Variants in FUT9 observed in about 807,000 individuals in gnomAD.
The protein encoded by FUT9 is 4-galactosyl-N-acetylglucosaminide 3-alpha-L-fucosyltransferase 9.
FUT9 carries 15 observed loss-of-function variants against 29.7 expected under a neutral mutation model. That is an observed-to-expected ratio of 0.51 (90% CI 0.34 to 0.78). The LOEUF is 0.78. Ranked by LOEUF, FUT9 falls within the 30% of genes least tolerant of loss-of-function variation. The pLI, the probability that FUT9 is intolerant of heterozygous loss-of-function variation, is 0.01. For missense variants in FUT9, 319 were observed against 425.4 expected (o/e 0.75, Z 2.20); for synonymous variants, 169 against 153.7 (o/e 1.10, Z -0.74).
At chr6:96,166,404 A>ATT (rs910153295) in intron 2 of FUT9, among the ~76,000 whole-genome samples, 1 of 152,186 alleles carries the variant, frequency 6.6e-6, no homozygotes, top group Non-Finnish European at 1.5e-5. Flanking sequence ...ATAATGTTAT[A>ATT]TATAACTGTA....
At chr6:96,199,493 A>C (rs1773690398) in intron 2 of FUT9, among the ~76,000 whole-genome samples, 1 of 152,170 alleles carries the variant, frequency 6.6e-6, no homozygotes, top group Admixed American at 6.6e-5. Flanking sequence ...AAAACTGGAA[A>C]CCACACAGTA....
chr6:96,135,725 T>C (rs375822909), intron 2 of FUT9, among the ~76,000 whole-genome samples: 7 of 151,842 alleles, frequency 4.6e-5, no homozygotes, highest in African/African-American at 1.2e-4. Flanking sequence ...TTCTAAATAT[T>C]TGGTGTACAA....
chr6:96,143,234 G>GATGA (rs1772499063), intron 2 of FUT9, among the ~76,000 whole-genome samples: 1 of 152,190 alleles, frequency 6.6e-6, no homozygotes, highest in South Asian at 2.1e-4. Flanking sequence ...TCTGCCATGT[G>GATGA]ATGACACAGT....
intron 2 of FUT9, among the ~76,000 whole-genome samples, chr6:96,129,118 A>T (rs1232148688): frequency 7.3e-5 from 10 of 137,370 alleles, no homozygotes; most frequent in African/African-American, 1.8e-4. Flanking sequence ...AAAAAAAAAT[A>T]GCTGGGCGTG....
chr6:96,105,466 A>G (rs1164574437), intron 1 of FUT9, among the ~76,000 whole-genome samples: 2 of 152,206 alleles, frequency 1.3e-5, no homozygotes, highest in East Asian at 3.8e-4. Flanking sequence ...TCTAAATTCA[A>G]TTGCCATAGC....
At chr6:96,097,641 A>G (rs1291947226) in intron 1 of FUT9, among the ~76,000 whole-genome samples, 2 of 152,108 alleles carry the variant, frequency 1.3e-5, no homozygotes, top group Non-Finnish European at 2.9e-5. Context: ...AACAATAACA[A>G]ATAAAATCTT....
At chr6:96,041,921 T>G (rs1019134921) in intron 1 of FUT9, among the ~76,000 whole-genome samples, 1 of 152,256 alleles carries the variant, frequency 6.6e-6, no homozygotes, top group Non-Finnish European at 1.5e-5. Flanking sequence ...TAGTAAGTTA[T>G]GTAGTCAGCA....
At chr6:96,032,728 G>T (rs547863508) in intron 1 of FUT9, among the ~76,000 whole-genome samples, 5 of 151,612 alleles carry the variant, frequency 3.3e-5, no homozygotes, top group African/African-American at 1.2e-4. Context: ...TCTTAACCAG[G>T]TTATGTAAAC....
At chr6:96,097,142 AAT>A (rs572453861) in intron 1 of FUT9, among the ~76,000 whole-genome samples, 77 of 152,362 alleles carry the variant, frequency 5.1e-4, no homozygotes, top group Non-Finnish European at 7.3e-4. Context: ...ATACTGAAGG[AAT>A]ATGTAATTCA....
At chr6:96,021,673 A>T (rs1770072047) in intron 1 of FUT9, among the ~76,000 whole-genome samples, 1 of 152,088 alleles carries the variant, frequency 6.6e-6, no homozygotes, top group Non-Finnish European at 1.5e-5. Context: ...GAAAAGGAAG[A>T]TGACATATAG....
At chr6:96,093,350 A>G (rs1771442960) in intron 1 of FUT9, among the ~76,000 whole-genome samples, 1 of 152,068 alleles carries the variant, frequency 6.6e-6, no homozygotes, top group African/African-American at 2.4e-5. Context: ...CTTTCTCTTG[A>G]TAATTCCACA....
chr6:96,110,815 C>CTATTTATT (rs1554193305), intron 1 of FUT9, among the ~76,000 whole-genome samples: 50 of 145,044 alleles, frequency 3.4e-4, no homozygotes, highest in African/African-American at 1.3e-3. Flanking sequence ...ACAAATGTGC[C>CTATTTATT]TATTTATTTA....
intron 1 of FUT9, among the ~76,000 whole-genome samples, chr6:96,110,620 C>G (rs1008206582): frequency 6.6e-6 from 1 of 152,130 alleles, no homozygotes; most frequent in Non-Finnish European, 1.5e-5. Context: ...AGCTCTTTCT[C>G]TCCACCTATT....
chr6:96,063,090 C>A (rs1249849278), intron 1 of FUT9, among the ~76,000 whole-genome samples: 4 of 152,120 alleles, frequency 2.6e-5, no homozygotes, highest in African/African-American at 9.7e-5. Flanking sequence ...GATACCTTAT[C>A]TATGAAATAC....
At chr6:96,056,702 C>T (rs542181112) in intron 1 of FUT9, among the ~76,000 whole-genome samples, 3 of 151,740 alleles carry the variant, frequency 2.0e-5, no homozygotes, top group African/African-American at 4.8e-5. Context: ...GAGCTATGAT[C>T]GCACCACATC....
At chr6:96,021,266 T>TGTTGTTGTTG (rs144972657) in intron 1 of FUT9, among the ~76,000 whole-genome samples, 25 of 152,062 alleles carry the variant, frequency 1.6e-4, no homozygotes, top group African/African-American at 5.8e-4. Context: ...GACAGAGTTT[T>TGTTGTTGTTG]TTGTTGTTGT....
chr6:96,105,145 A>G (rs1202930548), intron 1 of FUT9, among the ~76,000 whole-genome samples: 1 of 152,214 alleles, frequency 6.6e-6, no homozygotes, highest in Non-Finnish European at 1.5e-5. Flanking sequence ...TCAAAAGGAG[A>G]TAAATCTGTT....
At chr6:96,061,304 T>TTTTTTTTTTTTGAGACGG (rs1158183733) in intron 1 of FUT9, among the ~76,000 whole-genome samples, 1 of 143,360 alleles carries the variant, frequency 7.0e-6, no homozygotes, top group Non-Finnish European at 1.5e-5. Flanking sequence ...AGATACTTCT[T>TTTTTTTTTTTTGAGACGG]AGGCTCTGTT....
chr6:96,021,677 C>G lies in FUT9; in HGVS notation c.-98+5465C>G, dbSNP rs185364049. Among the ~76,000 whole-genome samples, 246 of 152,068 alleles carry G rather than the reference C, an allele frequency of 1.6e-3. 1 individual carries two copies. Among genetic ancestry groups the G allele is most frequent in the Admixed American group, 2.2e-3 (34 of 15,264 alleles). ...ATTCAGTGATAGAAAAGGAAGATGACATATAGTTGGGATGATAAAATATAG... is the reference window on the plus strand; with the variant it reads ...ATTCAGTGATAGAAAAGGAAGATGAGATATAGTTGGGATGATAAAATATAG... On this transcript the variant is annotated intron_variant, in intron 1 of 2. Coordinates refer to ENST00000302103, the MANE Select transcript of FUT9 (RefSeq NM_006581.4).
Sources: gnomAD v4.1 joint callset for allele counts (sites outside exome capture counted in the v4.1 genomes callset) on GRCh38, gnomAD v4.1.1 for gene constraint, MANE v1.5 for transcripts, NCBI Gene and HGNC (gene_info 2026-07-23, HGNC 2026-07-21) for gene names.